Variants in PCDHA8 observed in about 807,000 individuals in gnomAD.
The protein encoded by PCDHA8 is protocadherin alpha 8, also known as protocadherin alpha-8.
Under a neutral mutation model 61.8 loss-of-function variants are expected in PCDHA8, and 53 were observed. That is an observed-to-expected ratio of 0.86 (90% CI 0.69 to 1.08). The LOEUF (loss-of-function observed/expected upper bound fraction) is 1.08. Among genes scored for constraint, PCDHA8 ranks in the 50% least tolerant of loss-of-function variants. The pLI is 0.00. For synonymous variants in PCDHA8, 618 were observed against 556.6 expected, an observed-to-expected ratio of 1.11 and a Z score of -1.55; for missense variants, 1,293 against 1,245.0, an observed-to-expected ratio of 1.04 and a Z score of -0.58.
rs1396431858 is a variant in PCDHA8, at chr5:141,010,083, T to C, written c.*146T>C. The C allele has an allele frequency of 1.9e-6, 3 of 1,612,132 alleles. No homozygotes were observed. The African/African-American group carries it at 4.0e-5, about 22-fold the overall frequency. On this transcript the variant is annotated 3_prime_UTR_variant, in exon 4 of 4. Coordinates refer to ENST00000531613, the MANE Select transcript of PCDHA8 (RefSeq NM_018911.3). Reference sequence around the variant, plus strand: ...CTGCAGAAAGTTCCCTGTGTCTGTCTAGAACGCATTTAACAGGTTTTGTCG... The same window carrying C: ...CTGCAGAAAGTTCCCTGTGTCTGTCCAGAACGCATTTAACAGGTTTTGTCG...
chr5:140,897,227 C>T (rs1554187259), intron 1 of PCDHA8, among the ~76,000 whole-genome samples: 1 of 152,036 alleles, frequency 6.6e-6, no homozygotes, highest in Non-Finnish European at 1.5e-5. Flanking sequence ...TACATGTGCA[C>T]AATGTGCAGG....
intron 1 of PCDHA8, chr5:140,852,843 A>G (rs2042491535): frequency 1.0e-6 from 1 of 969,432 alleles, no homozygotes; most frequent in Non-Finnish European, 1.2e-6. Context: ...TAGAGCTAGT[A>G]CTTACTAAGC....
chr5:140,979,006 A>G lies in PCDHA8; in HGVS notation c.2452A>G (p.Ser818Gly), dbSNP rs149397164. ...TGCCTCCCTGAGAGCAGGCATGCAC[A>G]GGTATGTATTTCCCTCCTCATTCAC... ...YSASLRAGMH[S>G]SVHLEEAGIL... Residue 818 changes from serine (S) to glycine (G), a missense_variant and splice_region_variant, in exon 2 of 4, where the codon AGC becomes GGC. Ser to Gly is a moderately conservative substitution (Grantham distance 56). Coordinates refer to ENST00000531613, the MANE Select transcript of PCDHA8 (RefSeq NM_018911.3). The G allele has an allele frequency of 4.3e-6, 7 of 1,614,000 alleles. No individual in the cohort carries two copies. The highest frequency in any genetic ancestry group is 5.1e-6 in the Non-Finnish European group (6 of 1,179,938).
intron 3 of PCDHA8, among the ~76,000 whole-genome samples, chr5:140,998,883 GAATA>G (rs782239555): frequency 6.6e-5 from 10 of 152,274 alleles, no homozygotes; most frequent in East Asian, 1.9e-4. Flanking sequence ...AAGTTTAGTT[GAATA>G]AATAACAATG....
chr5:140,861,259 G>A (rs1180244061), intron 1 of PCDHA8: 2 of 166,330 alleles, frequency 1.2e-5, no homozygotes, highest in Non-Finnish European at 2.6e-5. Flanking sequence ...AGGAATCCCG[G>A]AGCCTACAGC....
chr5:140,978,182 AC>A (rs1240611427), intron 1 of PCDHA8, among the ~76,000 whole-genome samples: 1 of 152,186 alleles, frequency 6.6e-6, no homozygotes, highest in African/African-American at 2.4e-5. Context: ...AGAGAGGGCA[AC>A]AGATCTTTTC....
At chr5:140,858,561 C>T in intron 1 of PCDHA8, 1 of 1,370,342 alleles carries the variant, frequency 7.3e-7, no homozygotes, top group Non-Finnish European at 1.0e-6. Flanking sequence ...TTGAATATTT[C>T]TAGTGATACC....
rs532781317 is a variant in PCDHA8, at chr5:140,854,917, G to A, written c.2394+11202G>A. 4.6e-4 allele frequency among the ~76,000 whole-genome samples: 69 copies of A among 149,868 alleles called. 3 individuals are homozygous for A. Among genetic ancestry groups the A allele is most frequent in the South Asian group, 2.8e-3 (13 of 4,714 alleles). ...AAGCGTAAATATAACAGGGTTGAAA[G>A]CATTTGCCTCTGAAAGCAGAAATAA... On this transcript the variant is annotated intron_variant, in intron 1 of 3. Transcript: ENST00000531613.
chr5:140,870,168 C>A, intron 1 of PCDHA8: 1 of 1,614,108 alleles, frequency 6.2e-7, no homozygotes, highest in Admixed American at 1.7e-5. Context: ...CTTCCTTGTC[C>A]CTCCCAGTAC....
rs782628181 is a variant in PCDHA8, at chr5:140,850,474, C to G, written c.2394+6759C>G. 1.3e-6 allele frequency: 2 copies of G among 1,597,756 alleles called. 1 individual carries two copies. The highest frequency in any genetic ancestry group is 1.7e-6 in the Non-Finnish European group (2 of 1,167,580). On this transcript the variant is annotated intron_variant, in intron 1 of 3. Coordinates refer to ENST00000531613, the MANE Select transcript of PCDHA8 (RefSeq NM_018911.3). ...AAAGACCACGGGGAGCCAGCGCTGA[C>G]GGCCACGGCCACTGTGCTGGTGTCG...
intron 1 of PCDHA8, among the ~76,000 whole-genome samples, chr5:140,909,316 G>C (rs2074435468): frequency 6.6e-6 from 1 of 152,198 alleles, no homozygotes; most frequent in Non-Finnish European, 1.5e-5. Flanking sequence ...AAAGGCATTT[G>C]CCAAATCAAT....
intron 1 of PCDHA8, among the ~76,000 whole-genome samples, chr5:140,884,904 A>G (rs2060400953): frequency 6.6e-6 from 1 of 152,226 alleles, no homozygotes; most frequent in Non-Finnish European, 1.5e-5. Flanking sequence ...TTTCTGTTGT[A>G]TTCTTAATAG....
chr5:140,869,183 G>A, intron 1 of PCDHA8: 1 of 1,613,958 alleles, frequency 6.2e-7, no homozygotes, highest in Non-Finnish European at 8.5e-7. Flanking sequence ...TGGGAGGTGG[G>A]GAGCGGCCAG....
chr5:140,969,049 C>A, intron 1 of PCDHA8: 1 of 1,614,142 alleles, frequency 6.2e-7, no homozygotes, highest in Non-Finnish European at 8.5e-7. Context: ...AACAAGCCAA[C>A]AACAATATTG....
At chr5:140,878,352 A>T (rs2057558583) in intron 1 of PCDHA8, among the ~76,000 whole-genome samples, 1 of 152,242 alleles carries the variant, frequency 6.6e-6, no homozygotes, top group African/African-American at 2.4e-5. Flanking sequence ...CAATAATATA[A>T]ATGATATGTC....
chr5:140,954,488 T>C (rs1270188262), intron 1 of PCDHA8, among the ~76,000 whole-genome samples: 1 of 152,246 alleles, frequency 6.6e-6, no homozygotes, highest in Non-Finnish European at 1.5e-5. Flanking sequence ...AGATATTTCA[T>C]TGTGGTTTTG....
chr5:140,931,395 C>T lies in PCDHA8; in HGVS notation c.2395-47554C>T, dbSNP rs141099105. Among the ~76,000 whole-genome samples the T allele has an allele frequency of 5.8e-3, 884 of 151,620 alleles. 4 individuals carry two copies. The highest frequency in any genetic ancestry group is 0.021 in the African/African-American group (851 of 41,384). ...AGACTAGAAAGGAAACATAAGTAAG[C>T]GATAGGAAGGCTGATGAATCTAGAA... On this transcript the variant is annotated intron_variant, in intron 1 of 3. Coordinates refer to ENST00000531613, the MANE Select transcript of PCDHA8 (RefSeq NM_018911.3).
intron 1 of PCDHA8, among the ~76,000 whole-genome samples, chr5:140,914,458 A>G (rs1294717004): frequency 6.6e-6 from 1 of 152,004 alleles, no homozygotes; most frequent in Non-Finnish European, 1.5e-5. Flanking sequence ...TTTCCAGTCT[A>G]TGTGTATCTT....
chr5:140,884,352 A>C, intron 1 of PCDHA8: 1 of 1,613,828 alleles, frequency 6.2e-7, no homozygotes, highest in African/African-American at 1.3e-5. Context: ...GCGCTGGTGG[A>C]TGTCAATGTT....
Sources: allele counts gnomAD v4.1 joint callset (sites outside exome capture counted in the v4.1 genomes callset), GRCh38; gene constraint gnomAD v4.1.1; transcripts MANE v1.5; gene names NCBI Gene and HGNC (gene_info 2026-07-23, HGNC 2026-07-21).